TTLL13: variants seen among roughly 807,000 people sequenced by gnomAD.
TTLL13 encodes tubulin tyrosine ligase like 13.
At chr15:90,259,042 A>T in the TTLL13 span, 72 of 1,563,174 alleles carry the variant, frequency 4.6e-5, no homozygotes, top group African/African-American at 1.2e-4. Context: ...AACTTTTTGC[A>T]TAGATAATAT....
the TTLL13 span, chr15:90,256,346 G>A: frequency 6.2e-7 from 1 of 1,610,336 alleles, no homozygotes; most frequent in Non-Finnish European, 8.5e-7. Context: ...CCAGCACTGG[G>A]CTGCCTCATC....
the TTLL13 span, chr15:90,253,426 A>C: frequency 7.5e-7 from 1 of 1,326,922 alleles, no homozygotes. Context: ...GACTATTCCC[A>C]CCTCCTTGCC....
chr15:90,250,205 C>T, the TTLL13 span, among the ~76,000 whole-genome samples: 2 of 152,146 alleles, frequency 1.3e-5, no homozygotes, highest in East Asian at 1.9e-4. Flanking sequence ...GTGATCTGCC[C>T]GCCTCAGCCT....
chr15:90,257,523 AGAGACAG>A, the TTLL13 span: 1 of 1,065,420 alleles, frequency 9.4e-7, no homozygotes, highest in Non-Finnish European at 1.4e-6. Flanking sequence ...TCTGGTGGAG[AGAGACAG>A]GAGACGAGAG....
the TTLL13 span, chr15:90,262,425 AT>A: frequency 3.5e-6 from 5 of 1,413,388 alleles, no homozygotes; most frequent in Admixed American, 2.9e-5. Flanking sequence ...CCTCATCCCC[AT>A]TTTTCCTCAC....
the TTLL13 span, among the ~76,000 whole-genome samples, chr15:90,251,345 C>G: frequency 7.0e-6 from 1 of 143,128 alleles, no homozygotes; most frequent in African/African-American, 2.6e-5. Flanking sequence ...AGGATGGTCT[C>G]TATCTCCTGA....
the TTLL13 span, among the ~76,000 whole-genome samples, chr15:90,255,269 A>T: frequency 4.7e-3 from 710 of 152,344 alleles, 1 homozygote; most frequent in Non-Finnish European, 6.9e-3. Context: ...AGGACAGAGC[A>T]GCCAGGGGTT....
the TTLL13 span, chr15:90,264,172 G>A: frequency 1.3e-5 from 9 of 668,120 alleles, no homozygotes; most frequent in Non-Finnish European, 1.8e-5. Context: ...GTAAGAATGG[G>A]GAAGTTAGGG....
chr15:90,256,189 T>C, the TTLL13 span: 5 of 1,614,042 alleles, frequency 3.1e-6, no homozygotes, highest in African/African-American at 2.7e-5. Flanking sequence ...CCCGCACATA[T>C]ATCTGCAAGC....
the TTLL13 span, among the ~76,000 whole-genome samples, chr15:90,261,017 CTT>C: frequency 2.0e-5 from 3 of 151,788 alleles, no homozygotes; most frequent in East Asian, 5.8e-4. Flanking sequence ...TTATGGAAGG[CTT>C]TATCTTCTTT....
At chr15:90,264,635 T>C in the TTLL13 span, 1 of 1,456,328 alleles carries the variant, frequency 6.9e-7, no homozygotes, top group Non-Finnish European at 9.2e-7. Context: ...TTCCTCTGTG[T>C]TGGTAATTGG....
At chr15:90,256,188 A>G in the TTLL13 span, 22 of 1,614,178 alleles carry the variant, frequency 1.4e-5, no homozygotes, top group African/African-American at 1.6e-4. Context: ...GCCCGCACAT[A>G]TATCTGCAAG....
the TTLL13 span, chr15:90,257,604 C>A: frequency 6.2e-7 from 1 of 1,600,114 alleles, no homozygotes; most frequent in Non-Finnish European, 8.6e-7. Flanking sequence ...CGCATGCAGA[C>A]AGTCTGAGAC....
At chr15:90,259,851 T>C in the TTLL13 span, among the ~76,000 whole-genome samples, 13 of 152,234 alleles carry the variant, frequency 8.5e-5, no homozygotes, top group Non-Finnish European at 2.9e-5. Flanking sequence ...ACATGGTAAC[T>C]GGTCACCGAT....
At chr15:90,253,669 TA>T in the TTLL13 span, among the ~76,000 whole-genome samples, 11 of 152,252 alleles carry the variant, frequency 7.2e-5, no homozygotes, top group Admixed American at 7.2e-4. Context: ...TTAGGGAGAA[TA>T]CTGGGAGGCA....
the TTLL13 span, chr15:90,262,578 G>T: frequency 6.5e-7 from 1 of 1,534,896 alleles, no homozygotes; most frequent in East Asian, 2.4e-5. Flanking sequence ...CAGAACCAGG[G>T]TGAATCAGCT....
At chr15:90,257,893 C>A in the TTLL13 span, 1 of 939,056 alleles carries the variant, frequency 1.1e-6, no homozygotes, top group Non-Finnish European at 1.6e-6. Context: ...CCAAACCTCA[C>A]CCTGATAACT....
chr15:90,253,640 C>T, the TTLL13 span, among the ~76,000 whole-genome samples: 1 of 152,134 alleles, frequency 6.6e-6, no homozygotes, highest in Admixed American at 6.6e-5. Flanking sequence ...TGGCCCTCTC[C>T]AGGGTGGGTG....
the TTLL13 span, chr15:90,250,991 C>T: frequency 6.9e-7 from 1 of 1,440,990 alleles, no homozygotes; most frequent in Non-Finnish European, 9.4e-7. Flanking sequence ...TCCCTTTAGC[C>T]TACAAAAGAG....
Sources: gnomAD v4.1 joint callset for allele counts (sites outside exome capture counted in the v4.1 genomes callset) on GRCh38, gnomAD v4.1.1 for gene constraint, MANE v1.5 for transcripts, NCBI Gene and HGNC (gene_info 2026-07-23, HGNC 2026-07-21) for gene names.